Variants in NSG2 observed in about 807,000 individuals in gnomAD.
The protein encoded by NSG2 is neuronal vesicle trafficking associated 2.
A neutral mutation model predicts 16.9 loss-of-function variants in NSG2; 4 were observed. That is an observed-to-expected ratio of 0.24 (90% CI 0.12 to 0.54). The LOEUF is 0.54. Among genes scored for constraint, NSG2 ranks in the 20% least tolerant of loss-of-function variants. The probability of loss-of-function intolerance (pLI) is 0.95; values close to 1 mark genes in which losing one functional copy is unlikely to be tolerated. For synonymous variants in NSG2, 98 were observed against 88.7 expected, an observed-to-expected ratio of 1.11 and a Z score of -0.59; for missense variants, 179 against 221.1, an observed-to-expected ratio of 0.81 and a Z score of 1.21.
chr5:174,099,099 G>T (rs986176023), intron 3 of NSG2, among the ~76,000 whole-genome samples: 9 of 152,140 alleles, frequency 5.9e-5, no homozygotes, highest in African/African-American at 2.2e-4. Flanking sequence ...TTGTTGCAGG[G>T]ATCAGGCACG....
chr5:174,072,623 T>C lies in NSG2; in HGVS notation c.213+8308T>C, dbSNP rs1760262725. On this transcript the variant is annotated intron_variant, in intron 3 of 4. Coordinates refer to ENST00000303177, the MANE Select transcript of NSG2 (RefSeq NM_015980.5). The surrounding 1 kb of genome is among the most constrained non-coding windows in gnomAD (Gnocchi z 4.0). ...CTGCTGACTGGACCAGGAGCTCTTG[T>C]ACCCTTCTCTGTACCCTAAGAAGCT... is the stretch of plus-strand genomic sequence containing the variant. Among the ~76,000 whole-genome samples the C allele has an allele frequency of 6.6e-6, 1 of 152,232 alleles. No homozygotes were observed. The highest frequency in any genetic ancestry group is 2.1e-4 in the South Asian group (1 of 4,836).
In NSG2 at chr5:174,072,983, C is replaced by CG. The variant is rs1760269106; in HGVS notation, c.213+8668_213+8669insG. 6.6e-6 allele frequency among the ~76,000 whole-genome samples: 1 copy of CG among 150,642 alleles called. No homozygotes were observed. Among genetic ancestry groups the CG allele is most frequent in the South Asian group, 2.1e-4 (1 of 4,778 alleles). On this transcript the variant is annotated intron_variant, in intron 3 of 4. Transcript: ENST00000303177. This position sits in a 1 kb window ranked among gnomAD's most constrained non-coding sequence, Gnocchi z 4.0. ...TGGGTAACAGAGTGAGATCCTGTCT[C>CG]AAATGAATGAATGAATGAATGAATG...
Position 174,107,432 on chromosome 5 carries a change from G to A in NSG2, c.443G>A (p.Arg148Gln), listed in dbSNP as rs758859886. The change falls in exon 5 of 5, where the codon CGG (arginine) becomes CAG (glutamine). Residue 148 changes from arginine to glutamine, a missense_variant. Coordinates refer to ENST00000303177, the MANE Select transcript of NSG2 (RefSeq NM_015980.5). The surrounding 1 kb of genome is among the most constrained non-coding windows in gnomAD (Gnocchi z 4.5). ...HYSVAKQSTA[R>Q]AIGPWLSAAA... Reference sequence around the variant, plus strand: ...AGCGTGGCCAAGCAGAGCACTGCCCGGGCCATCGGGCCGTGGCTGTCAGCA... The same window carrying A: ...AGCGTGGCCAAGCAGAGCACTGCCCAGGCCATCGGGCCGTGGCTGTCAGCA... 29 of 1,612,690 alleles carry A rather than the reference G, an allele frequency of 1.8e-5. No homozygotes were observed. The highest frequency in any genetic ancestry group is 7.7e-5 in the South Asian group (7 of 90,996).
At chr5:174,079,464 G>A (rs974242016) in intron 3 of NSG2, among the ~76,000 whole-genome samples, 3 of 152,030 alleles carry the variant, frequency 2.0e-5, no homozygotes, top group Admixed American at 2.0e-4. Context: ...CACCATGTTG[G>A]CCAGGCTGGT....
intron 3 of NSG2, among the ~76,000 whole-genome samples, chr5:174,074,311 T>A (rs762529361): frequency 6.6e-6 from 1 of 152,196 alleles, no homozygotes; most frequent in Non-Finnish European, 1.5e-5. Flanking sequence ...TGTGGCTCGA[T>A]AAACGTGAGC....
chr5:174,104,902 T>C (rs1404764234), intron 4 of NSG2, among the ~76,000 whole-genome samples: 3 of 152,148 alleles, frequency 2.0e-5, no homozygotes, highest in Admixed American at 6.5e-5. Context: ...TTTCCCAGGA[T>C]TTTTGGGAGG....
chr5:174,062,110 C>A (rs1392346178), intron 2 of NSG2, among the ~76,000 whole-genome samples: 1 of 152,038 alleles, frequency 6.6e-6, no homozygotes, highest in Non-Finnish European at 1.5e-5. Context: ...GATTAATGTT[C>A]TGAATGTCTA....
intron 4 of NSG2, among the ~76,000 whole-genome samples, chr5:174,106,461 G>A (rs917454400): frequency 8.6e-5 from 13 of 151,896 alleles, no homozygotes; most frequent in African/African-American, 2.7e-4. Flanking sequence ...CTCCAAGTTC[G>A]TCCGGTAGTC....
At chr5:174,046,358 G>A (rs927085630) in intron 1 of NSG2, among the ~76,000 whole-genome samples, 12 of 151,994 alleles carry the variant, frequency 7.9e-5, no homozygotes, top group African/African-American at 1.5e-4. Context: ...TGCAGGCGGG[G>A]GGGGTGGTAT....
At chr5:174,050,487 A>G (rs1460613636) in intron 2 of NSG2, among the ~76,000 whole-genome samples, 2 of 152,136 alleles carry the variant, frequency 1.3e-5, no homozygotes, top group East Asian at 1.9e-4. Flanking sequence ...CATTTCACTC[A>G]TGAGGAAACT....
chr5:174,082,171 C>T (rs1321291890), intron 3 of NSG2: 1 of 152,060 alleles, frequency 6.6e-6, no homozygotes, highest in African/African-American at 2.4e-5. Context: ...ATTGTAACTC[C>T]CTTCAGCAAT....
intron 3 of NSG2, among the ~76,000 whole-genome samples, chr5:174,083,202 G>A (rs1318637104): frequency 3.3e-5 from 5 of 152,152 alleles, no homozygotes; most frequent in South Asian, 2.1e-4. Context: ...CCTGAGAGCC[G>A]ACACCACGTA....
At chr5:174,098,548 GC>G (rs1475299256) in intron 3 of NSG2, among the ~76,000 whole-genome samples, 1 of 152,106 alleles carries the variant, frequency 6.6e-6, no homozygotes, top group African/African-American at 2.4e-5. Context: ...CAATGCTCTG[GC>G]CCGGGGTTGC....
At chr5:174,099,976 C>T (rs1439797220) in intron 3 of NSG2, among the ~76,000 whole-genome samples, 1 of 152,196 alleles carries the variant, frequency 6.6e-6, no homozygotes, top group Non-Finnish European at 1.5e-5. Context: ...CCTGATTCAC[C>T]ACAACGTACT....
intron 3 of NSG2, among the ~76,000 whole-genome samples, chr5:174,084,464 A>T (rs934528648): frequency 1.3e-5 from 2 of 152,202 alleles, no homozygotes; most frequent in Non-Finnish European, 2.9e-5. Context: ...GGTTCAGTCA[A>T]AACCCAGGTC....
At chr5:174,051,320 G>A (rs1469996574) in intron 2 of NSG2, among the ~76,000 whole-genome samples, 6 of 152,084 alleles carry the variant, frequency 3.9e-5, no homozygotes, top group African/African-American at 1.4e-4. Flanking sequence ...CTGCCCTAGA[G>A]TCTTGCATAC....
chr5:174,070,680 TCTTC>T (rs1329801134), intron 3 of NSG2, among the ~76,000 whole-genome samples: 1 of 152,238 alleles, frequency 6.6e-6, no homozygotes, highest in Non-Finnish European at 1.5e-5. Context: ...TCAGCTGTGC[TCTTC>T]CTGGAGTCAG....
chr5:174,061,222 C>T (rs1459142971), intron 2 of NSG2, among the ~76,000 whole-genome samples: 1 of 151,956 alleles, frequency 6.6e-6, no homozygotes, highest in Non-Finnish European at 1.5e-5. Flanking sequence ...TTTCTAAAAT[C>T]GTGGATTAAG....
intron 3 of NSG2, among the ~76,000 whole-genome samples, chr5:174,069,981 G>C (rs1323214470): frequency 1.3e-5 from 2 of 150,074 alleles, no homozygotes; most frequent in African/African-American, 4.9e-5. Context: ...AGGCTCAAGT[G>C]ATCCTCCCAC....
Sources: gnomAD v4.1 joint callset for allele counts (sites outside exome capture counted in the v4.1 genomes callset) on GRCh38, gnomAD v4.1.1 for gene constraint, Gnocchi (gnomAD v3.1) non-coding constraint, MANE v1.5 for transcripts, NCBI Gene and HGNC (gene_info 2026-07-23, HGNC 2026-07-21) for gene names.